PARD3: variants seen among roughly 807,000 people sequenced by gnomAD.
The protein encoded by PARD3 is par-3 family cell polarity regulator, also known as partitioning defective 3 homolog.
A neutral mutation model predicts 155.4 loss-of-function variants in PARD3; 75 were observed. The observed-to-expected ratio is 0.48, with a 90% confidence interval of 0.40 to 0.58. The LOEUF is 0.58. PARD3 is among the 20% of genes least tolerant of loss of function. The pLI is 0.00. For synonymous variants in PARD3, 576 were observed against 610.5 expected, an observed-to-expected ratio of 0.94 and a Z score of 0.83; for missense variants, 1,642 against 1,721.7, an observed-to-expected ratio of 0.95 and a Z score of 0.82.
intron 5 of PARD3, among the ~76,000 whole-genome samples, chr10:34,444,960 C>T (rs1027841193): frequency 6.6e-6 from 1 of 152,092 alleles, no homozygotes. Flanking sequence ...ACTGGAGGCA[C>T]ATAAAATCTA....
rs1564652180 is a variant in PARD3 at position 34,384,118 on chromosome 10, C to T, written c.1016+11G>A. 6.2e-7 allele frequency: 1 copy of T among 1,611,728 alleles called. No homozygotes were observed. Among genetic ancestry groups the T allele is most frequent in the African/African-American group, 1.3e-5 (1 of 75,044 alleles). ...CAAGTAAGAACAGAAGTGCAGCGAG[C>T]ACACACTTACTGTTCAAATCTTCTA... is the stretch of plus-strand genomic sequence containing the variant. On this transcript the variant is annotated intron_variant, in intron 8 of 24. Coordinates refer to ENST00000374788, the MANE Select transcript of PARD3 (RefSeq NM_001184785.2).
chr10:34,612,491 G>A (rs1019451163), intron 2 of PARD3, among the ~76,000 whole-genome samples: 10 of 152,130 alleles, frequency 6.6e-5, no homozygotes, highest in African/African-American at 2.4e-4. Flanking sequence ...CCAAAGGATC[G>A]ATATGGACGT....
intron 1 of PARD3, among the ~76,000 whole-genome samples, chr10:34,803,550 GGA>G (rs1843036622): frequency 6.6e-6 from 1 of 152,166 alleles, no homozygotes; most frequent in Admixed American, 6.5e-5. Context: ...CAGCACTTTG[GGA>G]GGCCAAGGCA....
chr10:34,505,749 A>T (rs2081020293), intron 3 of PARD3, among the ~76,000 whole-genome samples: 1 of 152,238 alleles, frequency 6.6e-6, no homozygotes, highest in African/African-American at 2.4e-5. Flanking sequence ...ATTATATTAC[A>T]TATGTGTAAT....
chr10:34,175,749 A>G (rs1227488496), intron 22 of PARD3, among the ~76,000 whole-genome samples: 1 of 152,208 alleles, frequency 6.6e-6, no homozygotes, highest in Non-Finnish European at 1.5e-5. Context: ...AGGATATAGG[A>G]AAGGGAGTTT....
intron 1 of PARD3, among the ~76,000 whole-genome samples, chr10:34,701,391 CACAAAG>C (rs773070225): frequency 6.8e-6 from 1 of 148,022 alleles, no homozygotes; most frequent in Non-Finnish European, 1.5e-5. Context: ...AGCATAATCG[CACAAAG>C]ACAAAGAGAA....
At chr10:34,301,086 C>T (rs555825480) in intron 20 of PARD3, among the ~76,000 whole-genome samples, 3 of 152,278 alleles carry the variant, frequency 2.0e-5, no homozygotes, top group African/African-American at 4.8e-5. Context: ...ACAGGTTTTG[C>T]GCTTGTGTTT....
intron 2 of PARD3, among the ~76,000 whole-genome samples, chr10:34,668,364 C>T (rs575998302): frequency 2.0e-5 from 3 of 152,310 alleles, no homozygotes; most frequent in African/African-American, 4.8e-5. Context: ...TTTGTGGGTG[C>T]TCTCTACCTG....
At chr10:34,363,405 G>A (rs1839648096) in intron 12 of PARD3, among the ~76,000 whole-genome samples, 1 of 152,092 alleles carries the variant, frequency 6.6e-6, no homozygotes, top group African/African-American at 2.4e-5. Context: ...TTATCATTAA[G>A]AACACTGATG....
intron 22 of PARD3, among the ~76,000 whole-genome samples, chr10:34,167,364 A>C (rs1191658233): frequency 6.6e-6 from 1 of 152,168 alleles, no homozygotes; most frequent in Non-Finnish European, 1.5e-5. Context: ...GATAGACTGC[A>C]TGCTACACCA....
intron 2 of PARD3, among the ~76,000 whole-genome samples, chr10:34,527,424 A>C (rs2133762303): frequency 6.6e-6 from 1 of 152,286 alleles, no homozygotes; most frequent in Non-Finnish European, 1.5e-5. Flanking sequence ...CACAAGAAAA[A>C]CTGAGGGCCG....
In PARD3 at chr10:34,554,326, T is replaced by C. The variant is rs949213385; in HGVS notation, c.223-37167A>G. Among the ~76,000 whole-genome samples the C allele has an allele frequency of 8.5e-5, 13 of 152,354 alleles. No homozygotes were observed. The East Asian group carries it at 1.3e-3, about 16-fold the overall frequency. ...CTTTCAAAGCTAATAGGTTCTCTAA[T>C]TGAATATAAGGTTTTAAACTTTGTG... is the stretch of plus-strand genomic sequence containing the variant. On this transcript the variant is annotated intron_variant, in intron 2 of 24. Coordinates refer to ENST00000374788, the MANE Select transcript of PARD3 (RefSeq NM_001184785.2).
In PARD3 at chr10:34,495,416, T is replaced by C. The variant is rs567512102; in HGVS notation, c.403+21563A>G. Among the ~76,000 whole-genome samples the C allele has an allele frequency of 2.6e-5, 4 of 152,302 alleles. No individual in the cohort carries two copies. In the East Asian group the frequency reaches 5.8e-4, roughly 22 times the overall value. On this transcript the variant is annotated intron_variant, in intron 3 of 24. Coordinates refer to ENST00000374788, the MANE Select transcript of PARD3 (RefSeq NM_001184785.2). ...GGAGAACCCACATTTATTGGTACCCTTGGAAAGATTAATCACTCGGATAAT... is the reference window on the plus strand; with the variant it reads ...GGAGAACCCACATTTATTGGTACCCCTGGAAAGATTAATCACTCGGATAAT...
chr10:34,657,664 G>A (rs542466759), intron 2 of PARD3, among the ~76,000 whole-genome samples: 18 of 152,106 alleles, frequency 1.2e-4, no homozygotes, highest in Non-Finnish European at 1.9e-4. Flanking sequence ...TCAGCCTCCC[G>A]AGTAGCTGGG....
intron 3 of PARD3, among the ~76,000 whole-genome samples, chr10:34,473,163 C>T (rs1422526073): frequency 6.6e-6 from 1 of 152,202 alleles, no homozygotes; most frequent in East Asian, 1.9e-4. Flanking sequence ...CTCTATCATG[C>T]AGCCCTTCTT....
chr10:34,761,426 C>T (rs1837427605), intron 1 of PARD3, among the ~76,000 whole-genome samples: 1 of 152,000 alleles, frequency 6.6e-6, no homozygotes, highest in African/African-American at 2.4e-5. Flanking sequence ...AAAAGGAATC[C>T]CCATTTGGAT....
At chr10:34,512,705 A>T (rs1316861530) in intron 3 of PARD3, among the ~76,000 whole-genome samples, 6 of 152,206 alleles carry the variant, frequency 3.9e-5, no homozygotes, top group African/African-American at 1.4e-4. Flanking sequence ...AAAAACTAAA[A>T]CATATCAGGA....
At chr10:34,229,661 CGT>C (rs57319517) in intron 22 of PARD3, among the ~76,000 whole-genome samples, 17,224 of 145,420 alleles carry the variant, frequency 0.12, 2,141 homozygotes, top group African/African-American at 0.31. Flanking sequence ...GTTGAGGGTG[CGT>C]GTGTGTGTGT....
intron 1 of PARD3, among the ~76,000 whole-genome samples, chr10:34,705,393 C>T (rs897168495): frequency 1.3e-5 from 2 of 151,454 alleles, no homozygotes; most frequent in African/African-American, 4.9e-5. Flanking sequence ...GAGGCTAAAG[C>T]AGGAGGATCA....
Sources: allele counts gnomAD v4.1 joint callset (sites outside exome capture counted in the v4.1 genomes callset), GRCh38; gene constraint gnomAD v4.1.1; transcripts MANE v1.5; gene names NCBI Gene and HGNC (gene_info 2026-07-23, HGNC 2026-07-21).